SMS: variants seen among roughly 807,000 people sequenced by gnomAD.
SMS encodes spermine synthase.
Under a neutral mutation model 33.0 loss-of-function variants are expected in SMS, and 3 were observed. The ratio of observed to expected loss-of-function variants is 0.09; its 90% CI spans 0.04 to 0.23. The LOEUF (loss-of-function observed/expected upper bound fraction) is 0.23. Ranked by LOEUF, SMS falls within the 10% of genes least tolerant of loss-of-function variation. The pLI, the probability that SMS is intolerant of heterozygous loss-of-function variation, is 1.00. For missense variants in SMS, 117 were observed against 288.6 expected (o/e 0.41, Z 4.31); for synonymous variants, 103 against 112.2 (o/e 0.92, Z 0.52).
intron 4 of SMS, among the ~76,000 whole-genome samples, chrX:21,973,896 C>T (rs1035306001): frequency 1.8e-5 from 2 of 113,042 alleles, no homozygotes; most frequent in African/African-American, 6.4e-5. Flanking sequence ...GAATGCAATT[C>T]GGACATCGTG....
At chrX:21,970,075 G>A (rs768821491) in intron 2 of SMS, among the ~76,000 whole-genome samples, 27 of 113,188 alleles carry the variant, frequency 2.4e-4, no homozygotes, top group Middle Eastern at 4.6e-3. Flanking sequence ...GCCTCCCAAA[G>A]TGTTGGGATT....
Position 21,994,645 on chromosome X carries a change from C to CATTTGT in SMS, c.*294_*295insATTTGT. 1.2e-6 allele frequency: 1 copy of CATTTGT among 861,485 alleles called. No individual in the cohort carries two copies. The highest frequency in any genetic ancestry group is 1.4e-6 in the Non-Finnish European group (1 of 708,579). 71.0% of individuals were successfully genotyped at this position (861,485 alleles called of 1,213,427 possible). A position where few individuals can be genotyped will look rare whatever the true frequency, so the allele number is the denominator to read the frequency against. ...TTGTTCCTTTTTATTTCTCTGTGGGCTTTTGTTTTTGTTTTTGTTTTGGTA... is the reference window on the plus strand; with the variant it reads ...TTGTTCCTTTTTATTTCTCTGTGGGCATTTGTTTTTGTTTTTGTTTTTGTTTTGGTA... On this transcript the variant is annotated 3_prime_UTR_variant, in exon 11 of 11. Coordinates refer to ENST00000404933, the MANE Select transcript of SMS (RefSeq NM_004595.5).
intron 1 of SMS, among the ~76,000 whole-genome samples, chrX:21,959,623 A>G (rs1366313815): frequency 1.8e-5 from 2 of 112,991 alleles, no homozygotes; most frequent in African/African-American, 6.4e-5. Context: ...TATCAAGATT[A>G]GAAACATCTG....
intron 9 of SMS, among the ~76,000 whole-genome samples, chrX:21,992,124 A>G (rs925841677): frequency 4.4e-5 from 5 of 112,425 alleles, no homozygotes; most frequent in Non-Finnish European, 9.4e-5. Context: ...AGATTCTAGG[A>G]AAAAAATGGG....
At chrX:21,958,035 T>C (rs889233074) in intron 1 of SMS, among the ~76,000 whole-genome samples, 2 of 110,797 alleles carry the variant, frequency 1.8e-5, no homozygotes, top group African/African-American at 6.6e-5. Flanking sequence ...AGATGCATAG[T>C]TTGTAAATAT....
At chrX:21,988,352 C>T (rs1055079122) in intron 9 of SMS, among the ~76,000 whole-genome samples, 4 of 111,166 alleles carry the variant, frequency 3.6e-5, no homozygotes, top group African/African-American at 1.3e-4. Flanking sequence ...CCCGCTTTGC[C>T]CAAGTGTGCA....
chrX:21,969,362 C>T (rs1194372715), intron 2 of SMS, among the ~76,000 whole-genome samples: 1 of 111,990 alleles, frequency 8.9e-6, no homozygotes, highest in Non-Finnish European at 1.9e-5. Flanking sequence ...CCAAACCCTC[C>T]TCTCCCCTGT....
At chrX:21,976,910 T>C in intron 4 of SMS, 151 bp from the exon 5 acceptor site, 1 of 538,089 alleles carries the variant, frequency 1.9e-6, no homozygotes, top group Non-Finnish European at 3.3e-6. Flanking sequence ...GTGGCCGTGA[T>C]TATATAAAAC....
chrX:21,969,127 T>C (rs1050687311), intron 2 of SMS, among the ~76,000 whole-genome samples: 5 of 111,078 alleles, frequency 4.5e-5, no homozygotes, highest in African/African-American at 1.6e-4. Flanking sequence ...ACCTGTACTT[T>C]TTGAGCTCAC....
At chrX:21,947,086 GTCT>G (rs1922290239) in intron 1 of SMS, among the ~76,000 whole-genome samples, 1 of 111,987 alleles carries the variant, frequency 8.9e-6, no homozygotes, top group Non-Finnish European at 1.9e-5. Flanking sequence ...GTGGAAGCAT[GTCT>G]TCTTTGTGTG....
chrX:21,977,622 C>T (rs1386835230), intron 5 of SMS, among the ~76,000 whole-genome samples: 2 of 112,035 alleles, frequency 1.8e-5, no homozygotes, highest in Non-Finnish European at 3.8e-5. Flanking sequence ...AAACCCCAGT[C>T]CACTTTGTCC....
chrX:21,980,430 ATATAT>A (rs1436943112), intron 7 of SMS, among the ~76,000 whole-genome samples: 2 of 30,918 alleles, frequency 6.5e-5, no homozygotes, highest in Admixed American at 7.8e-4. Context: ...AAAAAAAAAA[ATATAT>A]ATATATATAT....
At chrX:21,993,004 A>G (rs1414206196) in intron 10 of SMS, among the ~76,000 whole-genome samples, 1 of 111,776 alleles carries the variant, frequency 8.9e-6, no homozygotes, top group Non-Finnish European at 1.9e-5. Flanking sequence ...AGGTGTTGCC[A>G]GACCTGCAGC....
intron 4 of SMS, among the ~76,000 whole-genome samples, chrX:21,974,846 G>A (rs1174679870): frequency 5.9e-5 from 5 of 84,794 alleles, no homozygotes; most frequent in Non-Finnish European, 1.1e-4. Flanking sequence ...AAAGGACAAG[G>A]ATTGCTATCC....
chrX:21,961,714 C>CA (rs1235236676), intron 1 of SMS, among the ~76,000 whole-genome samples: 1 of 111,545 alleles, frequency 9.0e-6, no homozygotes, highest in Non-Finnish European at 1.9e-5. Flanking sequence ...ACAAAGTAGG[C>CA]AGTGGGCTGG....
At position 21,979,931 on chromosome X, in the gene SMS, C is replaced by CAA. The variant is rs532310887; in HGVS notation, c.750+979_750+980dup. ...CTTGGGCTGCAGAGCGAGAATGTCT[C>CAA]AAAAAAAAAAAAAAATCTTAATAAA... is the stretch of plus-strand genomic sequence containing the variant. On this transcript the variant is annotated intron_variant, in intron 7 of 10. Transcript: ENST00000404933. Among the ~76,000 whole-genome samples the CAA allele has an allele frequency of 1.3e-3, 74 of 58,841 alleles. 1 individual carries two copies. In the East Asian group the frequency reaches 0.035, roughly 28 times the overall value. 51.1% of individuals were successfully genotyped at this position (58,841 alleles called of 115,157 possible).
intron 1 of SMS, among the ~76,000 whole-genome samples, chrX:21,964,261 C>T (rs957719687): frequency 1.8e-5 from 2 of 111,392 alleles, no homozygotes; most frequent in South Asian, 3.8e-4. Context: ...ATTGGGCCAC[C>T]GCTGCTCGGT....
intron 1 of SMS, among the ~76,000 whole-genome samples, chrX:21,942,891 G>T (rs1357658184): frequency 2.0e-5 from 2 of 102,153 alleles, no homozygotes; most frequent in African/African-American, 7.4e-5. Context: ...CCAGGTTGGA[G>T]TGCAGTGGTG....
At chrX:21,968,519 T>TGC (rs1321743287) in intron 2 of SMS, among the ~76,000 whole-genome samples, 3 of 111,727 alleles carry the variant, frequency 2.7e-5, no homozygotes, top group Non-Finnish European at 5.6e-5. Flanking sequence ...TAAGTGGATC[T>TGC]GCGGCAGGGC....
Sources: gnomAD v4.1 joint callset for allele counts (sites outside exome capture counted in the v4.1 genomes callset) on GRCh38, gnomAD v4.1.1 for gene constraint, MANE v1.5 for transcripts, NCBI Gene and HGNC (gene_info 2026-07-23, HGNC 2026-07-21) for gene names.